ADAMTSL1: variants seen among roughly 807,000 people sequenced by gnomAD.
ADAMTSL1 encodes the protein ADAMTS-like protein 1.
A neutral mutation model predicts 201.8 loss-of-function variants in ADAMTSL1; 126 were observed. That is an observed-to-expected ratio of 0.62 (90% confidence interval 0.54 to 0.72). The LOEUF (loss-of-function observed/expected upper bound fraction) is 0.72. ADAMTSL1 is among the 30% of genes least tolerant of loss of function. The probability of loss-of-function intolerance (pLI) is 0.00; values close to 1 mark genes in which losing one functional copy is unlikely to be tolerated. For missense variants in ADAMTSL1, 2,679 were observed against 2,277.8 expected (o/e 1.18, Z -3.59); for synonymous variants, 1,121 against 903.4 (o/e 1.24, Z -4.32).
chr9:18,316,124 T>C (rs1360559931), intron 2 of ADAMTSL1, among the ~76,000 whole-genome samples: 1 of 152,100 alleles, frequency 6.6e-6, no homozygotes, highest in Non-Finnish European at 1.5e-5. Flanking sequence ...GGAGGGAATG[T>C]GCGAATAGGT....
At chr9:18,383,063 C>A in intron 2 of ADAMTSL1, among the ~76,000 whole-genome samples, 1 of 152,122 alleles carries the variant, frequency 6.6e-6, no homozygotes, top group East Asian at 1.9e-4. Context: ...GACTAGGATC[C>A]ATTTCTGGCC....
At chr9:17,921,377 A>G (rs937249400) in intron 1 of ADAMTSL1, among the ~76,000 whole-genome samples, 2 of 152,036 alleles carry the variant, frequency 1.3e-5, no homozygotes, top group African/African-American at 4.8e-5. Context: ...GTCAGTTACA[A>G]TTCCTCCACC....
At chr9:18,467,459 TTAAAAA>T (rs1722313578) in intron 2 of ADAMTSL1, among the ~76,000 whole-genome samples, 1 of 152,092 alleles carries the variant, frequency 6.6e-6, no homozygotes, top group African/African-American at 2.4e-5. Context: ...ACTAATTATA[TTAAAAA>T]TAAAACAATG....
intron 20 of ADAMTSL1, among the ~76,000 whole-genome samples, chr9:18,809,258 A>G (rs574445204): frequency 6.6e-6 from 1 of 152,328 alleles, no homozygotes; most frequent in African/African-American, 2.4e-5. Flanking sequence ...AGTGGTTAGA[A>G]AAGGCCTCAC....
At chr9:18,834,821 C>T (rs2131285609) in intron 23 of ADAMTSL1, among the ~76,000 whole-genome samples, 1 of 152,292 alleles carries the variant, frequency 6.6e-6, no homozygotes, top group Non-Finnish European at 1.5e-5. Flanking sequence ...ATTTCTATTG[C>T]TAATTAGTAT....
At chr9:18,461,051 T>G (rs1311051550) in intron 2 of ADAMTSL1, among the ~76,000 whole-genome samples, 1 of 152,204 alleles carries the variant, frequency 6.6e-6, no homozygotes, top group African/African-American at 2.4e-5. Context: ...CAAATGTAAC[T>G]TTTAAAGAAA....
At position 18,026,166 on chromosome 9, in the gene ADAMTSL1, ACTT is replaced by A. The variant is rs151335724; in HGVS notation, c.87+119251_87+119253del. ...CATCATCAGTAAAGAGAGATTATTT[ACTT>A]CTTCTTTTTCTATTCGGATGTCTTT... is the stretch of plus-strand genomic sequence containing the variant. On this transcript the variant is annotated intron_variant, in intron 1 of 29. Transcript: ENST00000680146. 1.4e-4 allele frequency among the ~76,000 whole-genome samples: 21 copies of A among 151,880 alleles called. No homozygotes were observed. In the East Asian group the frequency reaches 3.9e-3, roughly 28 times the overall value.
intron 2 of ADAMTSL1, 136 bp from the exon 3 acceptor site, chr9:18,533,111 T>G (rs1819545120): frequency 7.0e-6 from 4 of 572,782 alleles, no homozygotes; most frequent in Non-Finnish European, 1.2e-5. Context: ...TTTTTAATAG[T>G]AAACCCTCTA....
At chr9:18,001,680 A>G (rs1819616164) in intron 1 of ADAMTSL1, among the ~76,000 whole-genome samples, 1 of 152,004 alleles carries the variant, frequency 6.6e-6, no homozygotes, top group Non-Finnish European at 1.5e-5. Flanking sequence ...CAGGGAAGTG[A>G]GAAACAATGC....
intron 4 of ADAMTSL1, among the ~76,000 whole-genome samples, chr9:18,594,375 A>G (rs1371968374): frequency 1.3e-5 from 2 of 152,008 alleles, no homozygotes; most frequent in East Asian, 3.9e-4. Flanking sequence ...CTGTCTTCAG[A>G]TTTGGACATT....
At chr9:18,873,824 T>C (rs1050784110) in intron 23 of ADAMTSL1, among the ~76,000 whole-genome samples, 1 of 152,194 alleles carries the variant, frequency 6.6e-6, no homozygotes, top group Admixed American at 6.6e-5. Flanking sequence ...TTTTTCTAAT[T>C]CTGTGAAGAA....
intron 2 of ADAMTSL1, among the ~76,000 whole-genome samples, chr9:18,352,692 T>C (rs1343143749): frequency 1.3e-5 from 2 of 152,236 alleles, no homozygotes; most frequent in African/African-American, 2.4e-5. Flanking sequence ...TTTTGATTTA[T>C]TCCCTACAGA....
At chr9:18,888,125 G>C (rs1472279775) in intron 24 of ADAMTSL1, 82 bp downstream of exon 24, 37 of 1,413,800 alleles carry the variant, frequency 2.6e-5, no homozygotes, top group Non-Finnish European at 3.6e-5. Flanking sequence ...AGAACAAAGA[G>C]ATTTCTGATC....
chr9:18,398,100 AAC>A (rs957190044), intron 2 of ADAMTSL1, among the ~76,000 whole-genome samples: 4 of 152,158 alleles, frequency 2.6e-5, no homozygotes, highest in Non-Finnish European at 5.9e-5. Flanking sequence ...ATTGGTTTTC[AAC>A]ACTCTCTTTC....
chr9:18,217,924 G>A (rs187251282), intron 2 of ADAMTSL1, among the ~76,000 whole-genome samples: 6 of 152,134 alleles, frequency 3.9e-5, no homozygotes, highest in Admixed American at 3.9e-4. Flanking sequence ...TTGGGAGTGG[G>A]GGTAAGGGTG....
chr9:18,841,836 T>C (rs567170049), intron 23 of ADAMTSL1, among the ~76,000 whole-genome samples: 50 of 152,254 alleles, frequency 3.3e-4, no homozygotes, highest in Non-Finnish European at 4.1e-4. Flanking sequence ...GAGGTGTTTG[T>C]AGTACTCTCT....
intron 1 of ADAMTSL1, among the ~76,000 whole-genome samples, chr9:17,944,206 C>T (rs891074507): frequency 4.6e-5 from 7 of 152,076 alleles, no homozygotes; most frequent in African/African-American, 7.2e-5. Flanking sequence ...AGTGAACTCC[C>T]GTTCACAATT....
intron 2 of ADAMTSL1, among the ~76,000 whole-genome samples, chr9:18,463,740 G>C (rs571424883): frequency 1.2e-4 from 18 of 152,036 alleles, no homozygotes; most frequent in Non-Finnish European, 2.6e-4. Context: ...ACATTTTGTT[G>C]ATCTGTTCAT....
In ADAMTSL1 at chr9:18,684,699, A is replaced by C. The variant is rs775196598; in HGVS notation, c.1490-17A>C. ...TTCTAACCTCTTCTTTTGTATGTGCATGCACTGAATTCTCAGAGAAACTTC... is the reference window on the plus strand; with the variant it reads ...TTCTAACCTCTTCTTTTGTATGTGCCTGCACTGAATTCTCAGAGAAACTTC... On this transcript the variant is annotated splice_polypyrimidine_tract_variant and intron_variant, in intron 12 of 28. Coordinates refer to ENST00000380548, the MANE Select transcript of ADAMTSL1 (RefSeq NM_001040272.6). 1.2e-6 allele frequency: 2 copies of C among 1,611,246 alleles called. No individual in the cohort carries two copies. The highest frequency in any genetic ancestry group is 1.1e-5 in the South Asian group (1 of 89,900).
Sources: allele counts gnomAD v4.1 joint callset (sites outside exome capture counted in the v4.1 genomes callset), GRCh38; gene constraint gnomAD v4.1.1; transcripts MANE v1.5; gene names NCBI Gene and HGNC (gene_info 2026-07-23, HGNC 2026-07-21).